Variants in LINGO2 observed in about 807,000 individuals in gnomAD.
The protein encoded by LINGO2 is leucine rich repeat and Ig domain containing 2.
A neutral mutation model predicts 30.6 loss-of-function variants in LINGO2; 14 were observed. The observed-to-expected ratio is 0.46, with a 90% CI of 0.30 to 0.72. The LOEUF (loss-of-function observed/expected upper bound fraction) is 0.72, where lower values mean the gene tolerates loss of function less well. LINGO2 is among the 30% of genes least tolerant of loss of function. The probability of loss-of-function intolerance (pLI) is 0.07; values close to 1 mark genes in which losing one functional copy is unlikely to be tolerated. For missense variants in LINGO2, 729 were observed against 751.7 expected (o/e 0.97, Z 0.35); for synonymous variants, 317 against 288.5 (o/e 1.10, Z -1.00).
chr9:28,535,492 T>C (rs926947874), intron 1 of LINGO2, among the ~76,000 whole-genome samples: 1 of 152,172 alleles, frequency 6.6e-6, no homozygotes, highest in African/African-American at 2.4e-5. Flanking sequence ...GGAAGCCTGA[T>C]ATATATTGCC....
chr9:29,171,148 T>A, the LINGO2 span, among the ~76,000 whole-genome samples: 1 of 152,102 alleles, frequency 6.6e-6, no homozygotes, highest in East Asian at 1.9e-4. Context: ...TGTCTAAAGC[T>A]AAGCACATAA....
chr9:27,991,445 A>G (rs1269173311), intron 5 of LINGO2, among the ~76,000 whole-genome samples: 1 of 152,058 alleles, frequency 6.6e-6, no homozygotes, highest in Non-Finnish European at 1.5e-5. Flanking sequence ...AAATCAAAAC[A>G]AAGACAGTTC....
the LINGO2 span, among the ~76,000 whole-genome samples, chr9:28,770,160 C>G: frequency 5.3e-5 from 8 of 152,132 alleles, no homozygotes; most frequent in Non-Finnish European, 1.2e-4. Flanking sequence ...GAGCTCCTTC[C>G]GTTCAATTTT....
At chr9:28,650,785 T>C (rs568272918) in intron 1 of LINGO2, among the ~76,000 whole-genome samples, 1 of 152,324 alleles carries the variant, frequency 6.6e-6, no homozygotes, top group Middle Eastern at 3.4e-3. Flanking sequence ...TCATTATCCA[T>C]AGTGATCACT....
intron 3 of LINGO2, among the ~76,000 whole-genome samples, chr9:28,300,283 A>C (rs1824091203): frequency 6.6e-6 from 1 of 152,168 alleles, no homozygotes; most frequent in Non-Finnish European, 1.5e-5. Flanking sequence ...AGCTGCAAAT[A>C]ATCTTGCAAA....
the LINGO2 span, among the ~76,000 whole-genome samples, chr9:29,160,170 T>A: frequency 7.9e-5 from 12 of 152,202 alleles, no homozygotes; most frequent in African/African-American, 2.9e-4. Context: ...GCTAAGGCAA[T>A]TGCATTTCAA....
the LINGO2 span, among the ~76,000 whole-genome samples, chr9:28,836,631 A>AT: frequency 6.6e-6 from 1 of 151,984 alleles, no homozygotes; most frequent in Admixed American, 6.6e-5. Flanking sequence ...AATATTTTTA[A>AT]TTTTTTAAAA....
chr9:28,013,964 T>G (rs1437925589), intron 4 of LINGO2, among the ~76,000 whole-genome samples: 1 of 152,200 alleles, frequency 6.6e-6, no homozygotes, highest in Non-Finnish European at 1.5e-5. Context: ...TCAAACTAGT[T>G]ACATTGCTAA....
chr9:28,494,078 A>G (rs927033140), intron 1 of LINGO2, among the ~76,000 whole-genome samples: 4 of 152,172 alleles, frequency 2.6e-5, no homozygotes, highest in Non-Finnish European at 5.9e-5. Flanking sequence ...TAATACACCT[A>G]GAATTAGGGA....
At chr9:29,187,402 T>C in the LINGO2 span, among the ~76,000 whole-genome samples, 1 of 152,326 alleles carries the variant, frequency 6.6e-6, no homozygotes, top group East Asian at 1.9e-4. Flanking sequence ...ATCTAGAATG[T>C]TATATTCTGG....
chr9:28,421,116 A>G (rs1338154307), intron 2 of LINGO2, among the ~76,000 whole-genome samples: 1 of 152,044 alleles, frequency 6.6e-6, no homozygotes, highest in African/African-American at 2.4e-5. Context: ...GAAACAAAAA[A>G]AATTCAAAGT....
chr9:29,167,961 AG>A, the LINGO2 span, among the ~76,000 whole-genome samples: 1 of 152,134 alleles, frequency 6.6e-6, no homozygotes, highest in Non-Finnish European at 1.5e-5. Context: ...TTAGCACCTA[AG>A]GAAAAAAAGG....
chr9:28,929,375 A>G, the LINGO2 span, among the ~76,000 whole-genome samples: 2 of 152,232 alleles, frequency 1.3e-5, no homozygotes, highest in African/African-American at 4.8e-5. Flanking sequence ...AGCACACTGG[A>G]AGAAACAATA....
chr9:29,175,129 C>G, the LINGO2 span, among the ~76,000 whole-genome samples: 1 of 152,000 alleles, frequency 6.6e-6, no homozygotes, highest in African/African-American at 2.4e-5. Flanking sequence ...TGTGGTGGTG[C>G]ATGCCTGTAA....
intron 2 of LINGO2, among the ~76,000 whole-genome samples, chr9:28,437,143 A>G (rs10812826): frequency 0.35 from 53,888 of 152,160 alleles, 11,153 homozygotes; most frequent in Non-Finnish European, 0.46. Flanking sequence ...ACTGAGTGGA[A>G]AAGGTCCACT....
chr9:28,343,059 T>G (rs1243502373), intron 3 of LINGO2, among the ~76,000 whole-genome samples: 1 of 152,120 alleles, frequency 6.6e-6, no homozygotes, highest in Non-Finnish European at 1.5e-5. Context: ...GGTTTCCATA[T>G]GGTCATTTTA....
intron 1 of LINGO2, among the ~76,000 whole-genome samples, chr9:28,632,504 A>G (rs531782026): frequency 6.7e-6 from 1 of 150,196 alleles, no homozygotes; most frequent in Admixed American, 6.7e-5. Context: ...GAGAGACAGA[A>G]CTAATTCTCT....
chr9:28,446,579 C>G (rs1431325048), intron 2 of LINGO2, among the ~76,000 whole-genome samples: 2 of 152,112 alleles, frequency 1.3e-5, no homozygotes, highest in Non-Finnish European at 2.9e-5. Context: ...TTTCCTAAAC[C>G]TCTTTTGACT....
At chr9:28,354,959 A>C (rs1347257524) in intron 3 of LINGO2, among the ~76,000 whole-genome samples, 1 of 152,118 alleles carries the variant, frequency 6.6e-6, no homozygotes, top group African/African-American at 2.4e-5. Context: ...TGAAAACTGG[A>C]GCCTTTTCAG....
Sources: gnomAD v4.1 joint callset for allele counts (sites outside exome capture counted in the v4.1 genomes callset) on GRCh38, gnomAD v4.1.1 for gene constraint, MANE v1.5 for transcripts, NCBI Gene and HGNC (gene_info 2026-07-23, HGNC 2026-07-21) for gene names.